Variants in TBC1D22A observed in about 807,000 individuals in gnomAD.
TBC1D22A encodes TBC1 domain family member 22A, also known as putative GTPase activator.
In TBC1D22A, 38 loss-of-function variants were observed where a neutral mutation model predicts 60.2. The ratio of observed to expected loss-of-function variants is 0.63; its 90% CI spans 0.49 to 0.83. The LOEUF (loss-of-function observed/expected upper bound fraction) is 0.83, where lower values mean the gene tolerates loss of function less well. TBC1D22A is among the 40% of genes least tolerant of loss of function. TBC1D22A has a pLI of 0.00. For synonymous variants in TBC1D22A, 302 were observed against 281.7 expected, an observed-to-expected ratio of 1.07 and a Z score of -0.72; for missense variants, 628 against 701.0, an observed-to-expected ratio of 0.90 and a Z score of 1.18.
intron 8 of TBC1D22A, among the ~76,000 whole-genome samples, chr22:46,962,741 G>A (rs1343480788): frequency 6.6e-6 from 1 of 152,222 alleles, no homozygotes; most frequent in Non-Finnish European, 1.5e-5. Flanking sequence ...ATTCTACAGG[G>A]CAGAAATGCA....
chr22:47,165,945 A>G (rs1386960513), intron 12 of TBC1D22A, among the ~76,000 whole-genome samples: 1 of 152,204 alleles, frequency 6.6e-6, no homozygotes, highest in Admixed American at 6.5e-5. Flanking sequence ...GTCGCATGTC[A>G]CCGTGGTGAA....
At chr22:47,161,052 C>T (rs1292413738) in intron 12 of TBC1D22A, among the ~76,000 whole-genome samples, 2 of 152,234 alleles carry the variant, frequency 1.3e-5, no homozygotes, top group Non-Finnish European at 2.9e-5. Flanking sequence ...ACAGCACATG[C>T]TGGTCAGGCC....
At chr22:46,851,798 A>C (rs1331765233) in intron 4 of TBC1D22A, among the ~76,000 whole-genome samples, 1 of 152,258 alleles carries the variant, frequency 6.6e-6, no homozygotes, top group Non-Finnish European at 1.5e-5. Flanking sequence ...AGGAAGGGGT[A>C]CACGGCTCAG....
At chr22:46,797,715 T>C in intron 4 of TBC1D22A, 95 bp downstream of exon 4, 1 of 1,284,142 alleles carries the variant, frequency 7.8e-7, no homozygotes, top group South Asian at 1.7e-5. Flanking sequence ...GCTTATGTAA[T>C]GCACACGCGT....
chr22:46,991,803 G>C (rs2074951417), intron 9 of TBC1D22A, among the ~76,000 whole-genome samples: 1 of 152,140 alleles, frequency 6.6e-6, no homozygotes, highest in South Asian at 2.1e-4. Flanking sequence ...TCTTGCCTCA[G>C]CCGCAGCTTG....
Position 46,762,660 on chromosome 22 carries a change from C to T in TBC1D22A, c.-127C>T. Reference sequence around the variant, plus strand: ...CTTCCGGAAGGAGGCGGAAGAGCTTCTCGGCTCTAGGCTCTGGAGTCCCGG... The same window carrying T: ...CTTCCGGAAGGAGGCGGAAGAGCTTTTCGGCTCTAGGCTCTGGAGTCCCGG... On this transcript the variant is annotated 5_prime_UTR_variant, in exon 1 of 13. Transcript: ENST00000337137. 2 of 750,830 alleles carry T rather than the reference C, an allele frequency of 2.7e-6. No homozygotes were observed. Among genetic ancestry groups the T allele is most frequent in the East Asian group, 3.4e-5 (1 of 29,350 alleles). The allele number at this position is 750,830 out of a possible 1,614,324, so 46.5% of individuals were successfully genotyped here.
intron 11 of TBC1D22A, among the ~76,000 whole-genome samples, chr22:47,103,419 C>A (rs2065498277): frequency 6.6e-6 from 1 of 152,158 alleles, no homozygotes; most frequent in African/African-American, 2.4e-5. Flanking sequence ...CAGGAGCATT[C>A]CCTCGTGGGG....
At chr22:47,162,975 G>A (rs77937958) in intron 12 of TBC1D22A, among the ~76,000 whole-genome samples, 4,084 of 152,322 alleles carry the variant, frequency 0.027, 83 homozygotes, top group Non-Finnish European at 0.039. Flanking sequence ...CCCAATCTGC[G>A]AACCCCACCT....
intron 9 of TBC1D22A, among the ~76,000 whole-genome samples, chr22:46,989,263 G>C (rs1173224174): frequency 6.6e-6 from 1 of 152,072 alleles, no homozygotes; most frequent in African/African-American, 2.4e-5. Flanking sequence ...AGCCTGTTTT[G>C]CCTTCTTAAC....
At chr22:47,000,967 C>T (rs1169221969) in intron 10 of TBC1D22A, among the ~76,000 whole-genome samples, 3 of 152,134 alleles carry the variant, frequency 2.0e-5, no homozygotes, top group African/African-American at 7.2e-5. Flanking sequence ...CACCAGTGTT[C>T]TGGGTGTGTG....
At chr22:46,915,820 G>T (rs1274392683) in intron 8 of TBC1D22A, 1 of 456,624 alleles carries the variant, frequency 2.2e-6, no homozygotes, top group Non-Finnish European at 4.4e-6. Flanking sequence ...ACGGGAGGTG[G>T]GGAATCCTGG....
chr22:46,798,751 AGAGGTGCAACGCCTGGCTTGGCCAG>A (rs2084767052), intron 4 of TBC1D22A, among the ~76,000 whole-genome samples: 2 of 152,366 alleles, frequency 1.3e-5, no homozygotes, highest in Non-Finnish European at 2.9e-5. Flanking sequence ...TCTAAGAGCC[AGAGGTGCAACGCCTGGCTTGGCCAG>A]GAGGTGGCGA....
intron 5 of TBC1D22A, among the ~76,000 whole-genome samples, chr22:46,882,954 T>C (rs978862412): frequency 6.6e-6 from 1 of 152,238 alleles, no homozygotes; most frequent in East Asian, 1.9e-4. Context: ...AAACATGACT[T>C]GGCATTTATG....
Position 46,941,668 on chromosome 22 carries a change from A to ATATATATACGGAATATATATACGCGGG in TBC1D22A, c.1015+29480_1015+29481insTATATATACGGAATATATATACGCGGG, listed in dbSNP as rs2072118822. On this transcript the variant is annotated intron_variant, in intron 8 of 12. Coordinates refer to ENST00000337137, the MANE Select transcript of TBC1D22A (RefSeq NM_014346.5). ...ATATATACGGAATATATATACGCGG[A>ATATATATACGGAATATATATACGCGGG]ATATATATACGGAATATATATACGC... Among the ~76,000 whole-genome samples, 4 of 147,400 alleles carry ATATATATACGGAATATATATACGCGGG rather than the reference A, an allele frequency of 2.7e-5. 1 individual carries two copies. The highest frequency in any genetic ancestry group is 1.4e-4 in the Admixed American group (2 of 14,538).
intron 3 of TBC1D22A, among the ~76,000 whole-genome samples, chr22:46,796,049 G>A (rs1601897789): frequency 6.6e-6 from 1 of 152,184 alleles, no homozygotes; most frequent in Non-Finnish European, 1.5e-5. Context: ...CAGACGCCCC[G>A]GGCTGGAGCC....
At position 46,777,211 on chromosome 22, in the gene TBC1D22A, C is replaced by T. The variant is rs557474551; in HGVS notation, c.62+14363C>T. ...ATGGTCAGAATGAGAGAAAATGGAG[C>T]CCCGATTTAAGTTAGTGGGACAGAG... On this transcript the variant is annotated intron_variant, in intron 1 of 12. Coordinates refer to ENST00000337137, the MANE Select transcript of TBC1D22A (RefSeq NM_014346.5). The surrounding 1 kb of genome is among the most constrained non-coding windows in gnomAD (Gnocchi z 4.5). Among the ~76,000 whole-genome samples, 9 of 151,690 alleles carry T rather than the reference C, an allele frequency of 5.9e-5. No homozygotes were observed. The highest frequency in any genetic ancestry group is 2.6e-4 in the Admixed American group (4 of 15,158).
chr22:47,009,250 C>T lies in TBC1D22A; in HGVS notation c.1201+11541C>T, dbSNP rs555478836. On this transcript the variant is annotated intron_variant, in intron 10 of 12. Transcript: ENST00000337137. This position sits in a 1 kb window ranked among gnomAD's most constrained non-coding sequence, Gnocchi z 5.8. ...CCATTATTGTCATTATCATCACCAT[C>T]AGCATCATCATCACCATCATCATGA... Among the ~76,000 whole-genome samples, 3 of 152,308 alleles carry T rather than the reference C, an allele frequency of 2.0e-5. No homozygotes were observed. The South Asian group carries it at 6.2e-4, about 32-fold the overall frequency.
In TBC1D22A at chr22:47,077,040, G is replaced by A. The variant is rs140582884; in HGVS notation, c.1330-34468G>A. On this transcript the variant is annotated intron_variant, in intron 11 of 12. Transcript: ENST00000337137. Reference sequence around the variant, plus strand: ...GAGTATTGCCTGTACTTCTGCCTGCGTATTATTGGCAAAATGTAATCACAT... The same window carrying A: ...GAGTATTGCCTGTACTTCTGCCTGCATATTATTGGCAAAATGTAATCACAT... Among the ~76,000 whole-genome samples, 208 of 152,288 alleles carry A rather than the reference G, an allele frequency of 1.4e-3. 1 individual carries two copies. Among genetic ancestry groups the A allele is most frequent in the South Asian group, 0.011 (52 of 4,818 alleles).
At chr22:46,972,485 G>T (rs1313447578) in intron 8 of TBC1D22A, among the ~76,000 whole-genome samples, 3 of 152,222 alleles carry the variant, frequency 2.0e-5, no homozygotes, top group Admixed American at 2.0e-4. Context: ...CATTGACACG[G>T]GCTGCCGCAT....
Sources: allele counts gnomAD v4.1 joint callset (sites outside exome capture counted in the v4.1 genomes callset), GRCh38; gene constraint gnomAD v4.1.1; non-coding constraint Gnocchi (gnomAD v3.1); transcripts MANE v1.5; gene names NCBI Gene and HGNC (gene_info 2026-07-23, HGNC 2026-07-21).